GALNT14: variants seen among roughly 807,000 people sequenced by gnomAD.
GALNT14 encodes polypeptide N-acetylgalactosaminyltransferase 14, also known as UDP-GalNAc:polypeptide N-acetylgalactosaminyltransferase 14.
GALNT14 carries 60 observed loss-of-function variants against 77.5 expected under a neutral mutation model. That is an observed-to-expected ratio of 0.77 (90% CI 0.63 to 0.96). The LOEUF (loss-of-function observed/expected upper bound fraction) is 0.96. Ranked by LOEUF, GALNT14 falls within the 40% of genes least tolerant of loss-of-function variation. GALNT14 has a pLI of 0.00. For missense variants in GALNT14, 710 were observed against 731.0 expected (o/e 0.97, Z 0.33); for synonymous variants, 280 against 281.7 (o/e 0.99, Z 0.06).
chr2:30,897,745 A>G, the GALNT14 span, among the ~76,000 whole-genome samples: 1 of 152,242 alleles, frequency 6.6e-6, no homozygotes, highest in Admixed American at 6.5e-5. Context: ...AAAGGAACAC[A>G]GACCGCTGGG....
chr2:30,996,927 T>C (rs1368685384), intron 1 of GALNT14, among the ~76,000 whole-genome samples: 3 of 152,178 alleles, frequency 2.0e-5, no homozygotes, highest in Non-Finnish European at 2.9e-5. Context: ...TATTAAATAA[T>C]GGTGAAGGTG....
intron 6 of GALNT14, among the ~76,000 whole-genome samples, chr2:30,954,757 C>T: frequency 6.6e-6 from 1 of 152,236 alleles, no homozygotes; most frequent in East Asian, 1.9e-4. Context: ...AGGGAAGATG[C>T]TGTTGAGGTA....
intron 1 of GALNT14, among the ~76,000 whole-genome samples, chr2:31,010,230 C>T (rs555690435): frequency 1.3e-5 from 2 of 152,252 alleles, no homozygotes; most frequent in South Asian, 2.1e-4. Flanking sequence ...TCAGGTGATC[C>T]ACCTGCCTCA....
chr2:31,028,326 A>G (rs542940417), intron 1 of GALNT14, among the ~76,000 whole-genome samples: 132 of 152,188 alleles, frequency 8.7e-4, no homozygotes, highest in African/African-American at 3.1e-3. Context: ...AGGAGCTGCT[A>G]CTCAACCCAG....
chr2:31,048,595 CA>C lies in GALNT14; in HGVS notation c.130-55589del, dbSNP rs1380842983. Among the ~76,000 whole-genome samples the C allele has an allele frequency of 5.1e-5, 7 of 137,508 alleles. No individual in the cohort carries two copies. In the East Asian group the frequency reaches 6.9e-4, roughly 14 times the overall value. 90.2% of individuals were successfully genotyped at this position (137,508 alleles called of 152,430 possible). On this transcript the variant is annotated intron_variant, in intron 1 of 14. Transcript: ENST00000349752. ...GGCCCTGGGACTGCCTCCCCACCCC[CA>C]CTCCTGCCTCCCCTGCCTCCCCTGC... is the stretch of plus-strand genomic sequence containing the variant.
In GALNT14 at chr2:30,923,969, G is replaced by C. The variant is rs1012010131; in HGVS notation, c.1380+150C>G. On this transcript the variant is annotated intron_variant, in intron 13 of 14. Coordinates refer to ENST00000349752, the MANE Select transcript of GALNT14 (RefSeq NM_024572.4). The stretch of plus-strand genomic sequence containing the variant: ...AGCAGTGTAAGCACAGTGGCAGAGT[G>C]GGGGGATCACACCTCTCATGCTCCA... 1.4e-5 allele frequency: 12 copies of C among 852,614 alleles called. No individual in the cohort carries two copies. In the South Asian group the frequency reaches 1.4e-4, roughly 10 times the overall value. The allele number at this position is 852,614 out of a possible 1,614,324, so 52.8% of individuals were successfully genotyped here.
intron 13 of GALNT14, among the ~76,000 whole-genome samples, chr2:30,916,952 C>T (rs1664716966): frequency 6.6e-6 from 1 of 151,844 alleles, no homozygotes; most frequent in African/African-American, 2.4e-5. Flanking sequence ...TGGCACATGC[C>T]TGTAATCCCA....
At chr2:31,097,459 G>A (rs928239066) in intron 1 of GALNT14, among the ~76,000 whole-genome samples, 1 of 151,750 alleles carries the variant, frequency 6.6e-6, no homozygotes, top group African/African-American at 2.4e-5. Flanking sequence ...CTCTAGGCAT[G>A]TGAGATATGA....
At chr2:31,006,287 T>C (rs753055308) in intron 1 of GALNT14, among the ~76,000 whole-genome samples, 1 of 152,058 alleles carries the variant, frequency 6.6e-6, no homozygotes, top group Non-Finnish European at 1.5e-5. Flanking sequence ...GAACTGGCTT[T>C]AAAAAGTGAC....
chr2:31,134,161 G>A (rs962356665), intron 1 of GALNT14, among the ~76,000 whole-genome samples: 1 of 152,204 alleles, frequency 6.6e-6, no homozygotes, highest in South Asian at 2.1e-4. Context: ...CTCTCCGAAG[G>A]CAATCTGCTC....
chr2:31,081,905 C>A (rs1043254762), intron 1 of GALNT14, among the ~76,000 whole-genome samples: 1 of 152,076 alleles, frequency 6.6e-6, no homozygotes, highest in Non-Finnish European at 1.5e-5. Context: ...TCGAGCCCAC[C>A]CTATCCAAAA....
At chr2:30,976,551 G>A (rs923149836) in intron 2 of GALNT14, among the ~76,000 whole-genome samples, 5 of 152,004 alleles carry the variant, frequency 3.3e-5, no homozygotes, top group Non-Finnish European at 7.4e-5. Flanking sequence ...ACACTGGCAG[G>A]ACCTGTGTTA....
chr2:30,938,538 GA>G (rs560412549), intron 9 of GALNT14, among the ~76,000 whole-genome samples: 1 of 151,926 alleles, frequency 6.6e-6, no homozygotes, highest in African/African-American at 2.4e-5. Context: ...ATCAACTTCT[GA>G]AAAAAAATCT....
At chr2:30,973,220 C>A (rs943849199) in intron 2 of GALNT14, among the ~76,000 whole-genome samples, 15 of 152,202 alleles carry the variant, frequency 9.9e-5, no homozygotes, top group Admixed American at 9.8e-4. Context: ...ATCTATGGAT[C>A]CCAGGTGCAG....
intron 1 of GALNT14, among the ~76,000 whole-genome samples, chr2:31,054,892 A>G (rs1452618909): frequency 6.6e-6 from 1 of 152,238 alleles, no homozygotes; most frequent in Non-Finnish European, 1.5e-5. Context: ...AGTGGGTAAC[A>G]TCTTTCAACA....
chr2:31,129,467 T>G, intron 1 of GALNT14: 1 of 985,460 alleles, frequency 1.0e-6, no homozygotes, highest in East Asian at 1.1e-4. Flanking sequence ...CATAAGGACA[T>G]TAGTCAATTC....
At chr2:30,931,843 A>C (rs1431352380) in intron 10 of GALNT14, among the ~76,000 whole-genome samples, 1 of 151,946 alleles carries the variant, frequency 6.6e-6, no homozygotes, top group Non-Finnish European at 1.5e-5. Flanking sequence ...GGGCCTTCCG[A>C]AGCCTCAGAA....
At chr2:31,016,696 T>A (rs1671386443) in intron 1 of GALNT14, among the ~76,000 whole-genome samples, 1 of 152,050 alleles carries the variant, frequency 6.6e-6, no homozygotes, top group Admixed American at 6.5e-5. Context: ...GGCTGAGCAA[T>A]CTCTTCTCCA....
the GALNT14 span, among the ~76,000 whole-genome samples, chr2:30,886,970 A>G: frequency 6.6e-6 from 1 of 152,330 alleles, no homozygotes; most frequent in African/African-American, 2.4e-5. Flanking sequence ...GACTTTTCAG[A>G]TATTTCATAT....
Sources: allele counts gnomAD v4.1 joint callset (sites outside exome capture counted in the v4.1 genomes callset), GRCh38; gene constraint gnomAD v4.1.1; transcripts MANE v1.5; gene names NCBI Gene and HGNC (gene_info 2026-07-23, HGNC 2026-07-21).